Variants in SPOCK3 observed in about 807,000 individuals in gnomAD.
The protein encoded by SPOCK3 is SPARC (osteonectin), cwcv and kazal like domains proteoglycan 3.
SPOCK3 carries 30 observed loss-of-function variants against 56.6 expected under a neutral mutation model. The observed-to-expected ratio is 0.53, with a 90% CI of 0.40 to 0.72. SPOCK3 has a LOEUF of 0.72. Ranked by LOEUF, SPOCK3 falls within the 30% of genes least tolerant of loss-of-function variation. The probability of loss-of-function intolerance (pLI) is 0.00; values close to 1 mark genes in which losing one functional copy is unlikely to be tolerated. For missense variants in SPOCK3, 527 were observed against 530.0 expected (o/e 0.99, Z 0.06); for synonymous variants, 196 against 183.3 (o/e 1.07, Z -0.56).
chr4:167,171,958 C>A (rs1018661858), intron 2 of SPOCK3, among the ~76,000 whole-genome samples: 2 of 151,482 alleles, frequency 1.3e-5, no homozygotes, highest in Non-Finnish European at 2.9e-5. Flanking sequence ...AGTACAGGAA[C>A]AGGACTAAAG....
chr4:167,070,417 T>C (rs1306016684), intron 2 of SPOCK3, among the ~76,000 whole-genome samples: 1 of 151,950 alleles, frequency 6.6e-6, no homozygotes, highest in East Asian at 1.9e-4. Flanking sequence ...AATCTTTATA[T>C]ATCTATACAG....
chr4:166,769,149 G>A (rs6825308), intron 7 of SPOCK3, among the ~76,000 whole-genome samples: 69,761 of 151,836 alleles, frequency 0.46, 16,538 homozygotes, highest in African/African-American at 0.51. Context: ...CCTTTAGCTC[G>A]GAGAAGTTTG....
Position 166,734,889 on chromosome 4 carries a change from A to C in SPOCK3, c.*32T>G, listed in dbSNP as rs113043351. 28 of 1,459,480 alleles carry C rather than the reference A, an allele frequency of 1.9e-5. 1 individual carries two copies. The African/African-American group carries it at 2.3e-4, about 12-fold the overall frequency. The allele number at this position is 1,459,480 out of a possible 1,614,324, so 90.4% of individuals were successfully genotyped here. On this transcript the variant is annotated 3_prime_UTR_variant, in exon 11 of 11. Transcript: ENST00000357545. ...GCTATCATTTTTGTAAATATTAGAA[A>C]TGTAGAATTTATTGATTTCAACTGT...
intron 4 of SPOCK3, among the ~76,000 whole-genome samples, chr4:166,952,865 T>A (rs148373082): frequency 0.15 from 23,251 of 150,494 alleles, 2,591 homozygotes; most frequent in African/African-American, 0.32. Context: ...TGGTGCTGGG[T>A]AAACTGGCTA....
intron 4 of SPOCK3, among the ~76,000 whole-genome samples, chr4:166,955,290 C>T (rs1364363270): frequency 6.6e-6 from 1 of 151,000 alleles, no homozygotes; most frequent in Admixed American, 6.6e-5. Context: ...CAAGTATTCT[C>T]ACTCACTCCC....
intron 4 of SPOCK3, among the ~76,000 whole-genome samples, chr4:166,981,353 G>C (rs1746547100): frequency 6.6e-6 from 1 of 152,024 alleles, no homozygotes; most frequent in African/African-American, 2.4e-5. Flanking sequence ...GCCAAGAGGA[G>C]AACTGGAGTG....
chr4:166,952,703 C>T (rs533229269), intron 4 of SPOCK3, among the ~76,000 whole-genome samples: 1 of 152,076 alleles, frequency 6.6e-6, no homozygotes, highest in African/African-American at 2.4e-5. Flanking sequence ...GCTACAGTAA[C>T]CAAAACAGCA....
At chr4:167,125,845 C>G (rs1762231477) in intron 2 of SPOCK3, among the ~76,000 whole-genome samples, 2 of 152,160 alleles carry the variant, frequency 1.3e-5, no homozygotes, top group South Asian at 4.1e-4. Flanking sequence ...ATTGCTCTAT[C>G]ACCTTCAACA....
intron 6 of SPOCK3, among the ~76,000 whole-genome samples, chr4:166,824,182 G>A (rs1328375294): frequency 6.6e-6 from 1 of 152,000 alleles, no homozygotes; most frequent in East Asian, 1.9e-4. Flanking sequence ...TATGCAACCT[G>A]TTCAATTGCT....
intron 6 of SPOCK3, among the ~76,000 whole-genome samples, chr4:166,885,007 A>G (rs1048680082): frequency 6.6e-6 from 1 of 152,088 alleles, no homozygotes; most frequent in Non-Finnish European, 1.5e-5. Flanking sequence ...AACCTCTAGT[A>G]TTTTTAAAAA....
At chr4:167,217,471 T>C (rs1029270638) in intron 2 of SPOCK3, among the ~76,000 whole-genome samples, 2 of 152,050 alleles carry the variant, frequency 1.3e-5, no homozygotes, top group Non-Finnish European at 2.9e-5. Flanking sequence ...TTAAAGTGTA[T>C]TGGAGAATGA....
intron 4 of SPOCK3, among the ~76,000 whole-genome samples, chr4:166,922,377 T>A (rs1738595186): frequency 6.6e-6 from 1 of 152,184 alleles, no homozygotes; most frequent in East Asian, 1.9e-4. Context: ...AAGGACAATA[T>A]AGAGCCTATC....
chr4:166,805,619 A>G (rs1329754695), intron 6 of SPOCK3, among the ~76,000 whole-genome samples: 1 of 152,104 alleles, frequency 6.6e-6, no homozygotes, highest in Non-Finnish European at 1.5e-5. Context: ...CCATTCAGGA[A>G]CCTGCCAAGA....
chr4:166,907,887 C>G (rs1323524554), intron 5 of SPOCK3, among the ~76,000 whole-genome samples: 1 of 151,744 alleles, frequency 6.6e-6, no homozygotes, highest in Non-Finnish European at 1.5e-5. Flanking sequence ...GTTGGCATAC[C>G]TCAGCCAAAA....
chr4:166,960,863 GT>G (rs11325985), intron 4 of SPOCK3, among the ~76,000 whole-genome samples: 7,752 of 152,212 alleles, frequency 0.051, 642 homozygotes, highest in African/African-American at 0.18. Flanking sequence ...GAACTGAATA[GT>G]TGGAATGAAG....
Position 166,870,005 on chromosome 4 carries a change from C to A in SPOCK3, c.589+19125G>T, listed in dbSNP as rs553014303. Among the ~76,000 whole-genome samples, 4 of 152,154 alleles carry A rather than the reference C, an allele frequency of 2.6e-5. No individual in the cohort carries two copies. In the South Asian group the frequency reaches 8.3e-4, roughly 32 times the overall value. Reference sequence around the variant, plus strand: ...TACAGTTTGTCCTCTAGGAACCCTACGATGTCCTCATGGGGAGGATCTGAG... The same window carrying A: ...TACAGTTTGTCCTCTAGGAACCCTAAGATGTCCTCATGGGGAGGATCTGAG... On this transcript the variant is annotated intron_variant, in intron 6 of 10. Transcript: ENST00000357545.
chr4:167,158,156 C>T (rs1176307622), intron 2 of SPOCK3, among the ~76,000 whole-genome samples: 1 of 151,748 alleles, frequency 6.6e-6, no homozygotes, highest in Non-Finnish European at 1.5e-5. Context: ...GAATACAAAT[C>T]TAAGCCTACT....
chr4:166,803,501 C>T (rs376185269), intron 6 of SPOCK3, among the ~76,000 whole-genome samples: 2 of 152,196 alleles, frequency 1.3e-5, no homozygotes, highest in East Asian at 3.9e-4. Flanking sequence ...CAACTAGGGA[C>T]AAGACCAAGT....
chr4:166,778,401 C>G (rs186386985), intron 7 of SPOCK3, among the ~76,000 whole-genome samples: 1 of 152,220 alleles, frequency 6.6e-6, no homozygotes, highest in South Asian at 2.1e-4. Context: ...AAAGCAAAAT[C>G]TGGGTAAATG....
Sources: allele counts gnomAD v4.1 joint callset (sites outside exome capture counted in the v4.1 genomes callset), GRCh38; gene constraint gnomAD v4.1.1; transcripts MANE v1.5; gene names NCBI Gene and HGNC (gene_info 2026-07-23, HGNC 2026-07-21).